The following NDUFAF2 variants were observed in gnomAD, a reference collection of about 807,000 sequenced individuals.
The protein encoded by NDUFAF2 is NADH:ubiquinone oxidoreductase complex assembly factor 2.
NDUFAF2 carries 13 observed loss-of-function variants against 22.8 expected under a neutral mutation model. That is an observed-to-expected ratio of 0.57 (90% CI 0.37 to 0.91). The LOEUF is 0.91. Ranked by LOEUF, NDUFAF2 falls within the 40% of genes least tolerant of loss-of-function variation. The pLI is 0.01. For synonymous variants in NDUFAF2, 53 were observed against 64.2 expected, an observed-to-expected ratio of 0.83 and a Z score of 0.84; for missense variants, 162 against 195.2, an observed-to-expected ratio of 0.83 and a Z score of 1.01.
chr5:61,123,736 A>G (rs1753002707), intron 3 of NDUFAF2, among the ~76,000 whole-genome samples: 1 of 152,168 alleles, frequency 6.6e-6, no homozygotes, highest in Non-Finnish European at 1.5e-5. Context: ...TTTTCAAACA[A>G]GTTTATTACA....
intron 1 of NDUFAF2, among the ~76,000 whole-genome samples, chr5:60,950,816 C>G (rs1750534889): frequency 6.6e-6 from 1 of 152,022 alleles, no homozygotes; most frequent in Non-Finnish European, 1.5e-5. Context: ...TTGTTAATAT[C>G]TTGCATTAAT....
chr5:61,093,253 G>A (rs1219057297), intron 2 of NDUFAF2, among the ~76,000 whole-genome samples: 1 of 152,158 alleles, frequency 6.6e-6, no homozygotes, highest in Non-Finnish European at 1.5e-5. Flanking sequence ...TGACTTAAAT[G>A]TTAATCTCCT....
chr5:61,150,672 T>C (rs1561140754), intron 3 of NDUFAF2, among the ~76,000 whole-genome samples: 2 of 152,218 alleles, frequency 1.3e-5, no homozygotes, highest in Admixed American at 6.5e-5. Context: ...TGATCTATTA[T>C]ACAAAATCCA....
At chr5:61,122,619 T>G (rs1464249060) in intron 3 of NDUFAF2, among the ~76,000 whole-genome samples, 1 of 152,222 alleles carries the variant, frequency 6.6e-6, no homozygotes, top group East Asian at 1.9e-4. Flanking sequence ...CCCATTTGTA[T>G]GGCCTAAGAG....
At chr5:61,084,960 C>T (rs1752488978) in intron 2 of NDUFAF2, among the ~76,000 whole-genome samples, 1 of 152,128 alleles carries the variant, frequency 6.6e-6, no homozygotes, top group African/African-American at 2.4e-5. Flanking sequence ...TTGTAAAATG[C>T]ACATTTTTTT....
At chr5:60,966,747 C>G (rs550716471) in intron 1 of NDUFAF2, among the ~76,000 whole-genome samples, 1 of 152,170 alleles carries the variant, frequency 6.6e-6, no homozygotes, top group Admixed American at 6.5e-5. Context: ...GCTACTTTAG[C>G]CTTATAGTAG....
At chr5:61,088,097 G>T (rs74815053) in intron 2 of NDUFAF2, among the ~76,000 whole-genome samples, 1 of 151,990 alleles carries the variant, frequency 6.6e-6, no homozygotes, top group South Asian at 2.1e-4. Flanking sequence ...CATTGCTGTT[G>T]TAAGACTGAG....
intron 1 of NDUFAF2, among the ~76,000 whole-genome samples, chr5:61,009,113 T>C (rs1751410614): frequency 1.3e-5 from 2 of 152,100 alleles, no homozygotes; most frequent in African/African-American, 4.8e-5. Context: ...TTTTAAAAAA[T>C]TGAAAATCGA....
rs1271536418 is a variant in NDUFAF2, at chr5:61,056,908, A to T, written c.128-16217A>T. Among the ~76,000 whole-genome samples, 45 of 43,836 alleles carry T rather than the reference A, an allele frequency of 1.0e-3. 2 individuals carry two copies. Among genetic ancestry groups the T allele is most frequent in the Admixed American group, 5.8e-3 (16 of 2,766 alleles). The allele number at this position is 43,836 out of a possible 152,430, so 28.8% of individuals were successfully genotyped here. ...TGTCTCCAAAAAAAAAAAAAAAAAAAAAAAAAAAAAAATATATATATATAT... is the reference window on the plus strand; with the variant it reads ...TGTCTCCAAAAAAAAAAAAAAAAAATAAAAAAAAAAAATATATATATATAT... On this transcript the variant is annotated intron_variant, in intron 1 of 3. Coordinates refer to ENST00000296597, the MANE Select transcript of NDUFAF2 (RefSeq NM_174889.5).
intron 1 of NDUFAF2, among the ~76,000 whole-genome samples, chr5:61,023,164 GTCCTCCATATCAGCTATTCTAA>G (rs1751607443): frequency 6.6e-6 from 1 of 151,894 alleles, no homozygotes; most frequent in Non-Finnish European, 1.5e-5. Context: ...ATTGTATTCT[GTCCTCCATATCAGCTATTCTAA>G]TCTGTCATTC....
intron 2 of NDUFAF2, among the ~76,000 whole-genome samples, chr5:61,082,669 G>A (rs745315969): frequency 1.3e-5 from 2 of 152,134 alleles, no homozygotes; most frequent in Non-Finnish European, 1.5e-5. Context: ...ATGGCCTCCT[G>A]ATGCATCCAT....
chr5:61,029,636 C>G (rs980251108), intron 1 of NDUFAF2, among the ~76,000 whole-genome samples: 2 of 152,136 alleles, frequency 1.3e-5, no homozygotes, highest in African/African-American at 4.8e-5. Context: ...TTAGAGCATT[C>G]TGTGCTGCAA....
chr5:61,073,334 ATGTT>A, intron 2 of NDUFAF2, 120 bp downstream of exon 2: 1 of 777,786 alleles, frequency 1.3e-6, no homozygotes, highest in Non-Finnish European at 2.2e-6. Flanking sequence ...TAGTGTCTGA[ATGTT>A]TGAAACTTTG....
At chr5:61,130,522 A>G (rs1480931886) in intron 3 of NDUFAF2, among the ~76,000 whole-genome samples, 1 of 152,130 alleles carries the variant, frequency 6.6e-6, no homozygotes, top group Non-Finnish European at 1.5e-5. Context: ...GCCATATTGC[A>G]GTGTTCAGTC....
chr5:61,113,421 A>C (rs1752869835), intron 3 of NDUFAF2, among the ~76,000 whole-genome samples: 2 of 152,042 alleles, frequency 1.3e-5, no homozygotes, highest in South Asian at 2.1e-4. Flanking sequence ...TTCGCTGGGT[A>C]TTCTATTCTA....
At chr5:61,078,977 G>A (rs184367106) in intron 2 of NDUFAF2, among the ~76,000 whole-genome samples, 1 of 152,098 alleles carries the variant, frequency 6.6e-6, no homozygotes, top group East Asian at 1.9e-4. Flanking sequence ...CTTGTTTCGT[G>A]TTAACAGTAA....
intron 1 of NDUFAF2, among the ~76,000 whole-genome samples, chr5:61,006,867 G>T (rs1315847089): frequency 1.3e-5 from 2 of 152,082 alleles, no homozygotes; most frequent in Non-Finnish European, 2.9e-5. Flanking sequence ...CAAGGCGTTT[G>T]AATAACCAGA....
intron 1 of NDUFAF2, among the ~76,000 whole-genome samples, chr5:61,001,637 T>C (rs1561538884): frequency 6.6e-6 from 1 of 152,158 alleles, no homozygotes; most frequent in Non-Finnish European, 1.5e-5. Context: ...TAAAATCTTA[T>C]TACCTTGTGA....
At chr5:61,051,069 A>G (rs758909789) in intron 1 of NDUFAF2, among the ~76,000 whole-genome samples, 4 of 152,248 alleles carry the variant, frequency 2.6e-5, no homozygotes, top group Non-Finnish European at 5.9e-5. Flanking sequence ...AAAAGATGAC[A>G]TATGGTACAG....
Sources: allele counts gnomAD v4.1 joint callset (sites outside exome capture counted in the v4.1 genomes callset), GRCh38; gene constraint gnomAD v4.1.1; transcripts MANE v1.5; gene names NCBI Gene and HGNC (gene_info 2026-07-23, HGNC 2026-07-21).